Variants in NUP210 observed in about 807,000 individuals in gnomAD.
NUP210 encodes nucleoporin 210.
Under a neutral mutation model 196.0 loss-of-function variants are expected in NUP210, and 151 were observed. That is an observed-to-expected ratio of 0.77 (90% CI 0.67 to 0.88). NUP210 has a LOEUF of 0.88. Ranked by LOEUF, NUP210 falls within the 40% of genes least tolerant of loss-of-function variation. The pLI is 0.00. For synonymous variants in NUP210, 1,070 were observed against 1,052.7 expected, an observed-to-expected ratio of 1.02 and a Z score of -0.32; for missense variants, 2,314 against 2,493.7, an observed-to-expected ratio of 0.93 and a Z score of 1.53.
chr3:13,364,819 ACT>A (rs1156611579), intron 14 of NUP210, among the ~76,000 whole-genome samples: 6 of 152,176 alleles, frequency 3.9e-5, no homozygotes, highest in African/African-American at 9.7e-5. Flanking sequence ...CAAGAGTGAA[ACT>A]CTGTCTCAAA....
At chr3:13,327,804 C>G (rs1696829813) in intron 31 of NUP210, among the ~76,000 whole-genome samples, 1 of 152,252 alleles carries the variant, frequency 6.6e-6, no homozygotes, top group African/African-American at 2.4e-5. Context: ...GAAGGCTGCC[C>G]TTACTATGCA....
intron 14 of NUP210, among the ~76,000 whole-genome samples, chr3:13,364,601 G>A (rs1698469359): frequency 6.6e-6 from 1 of 152,180 alleles, no homozygotes. Flanking sequence ...GGCTGAGGTG[G>A]GAGGATCATC....
At chr3:13,359,992 T>C (rs1698314602) in intron 15 of NUP210, among the ~76,000 whole-genome samples, 2 of 152,154 alleles carry the variant, frequency 1.3e-5, no homozygotes, top group Admixed American at 1.3e-4. Context: ...TCTGGTTTGG[T>C]TAGTGGGGGA....
rs549566462 is a variant in NUP210, at chr3:13,376,499, C to T, written c.1153-68G>A. On this transcript the variant is annotated intron_variant, in intron 9 of 39. Coordinates refer to ENST00000254508, the MANE Select transcript of NUP210 (RefSeq NM_024923.4). ...ACTCCAGAAAGTCAGAATTTGGGCACGAAGCTACAGGACTGAAACCAGCAG... is the reference window on the plus strand; with the variant it reads ...ACTCCAGAAAGTCAGAATTTGGGCATGAAGCTACAGGACTGAAACCAGCAG... The T allele has an allele frequency of 2.6e-4, 414 of 1,587,150 alleles. 3 individuals are homozygous for T. In the South Asian group the frequency reaches 2.9e-3, roughly 11 times the overall value.
chr3:13,364,845 TAAAAG>T (rs1698478802), intron 14 of NUP210, among the ~76,000 whole-genome samples: 1 of 151,402 alleles, frequency 6.6e-6, no homozygotes, highest in Non-Finnish European at 1.5e-5. Flanking sequence ...AATAAACAAA[TAAAAG>T]AAAAAGAAAA....
intron 25 of NUP210, among the ~76,000 whole-genome samples, chr3:13,339,653 G>A (rs971514771): frequency 6.6e-6 from 1 of 152,240 alleles, no homozygotes; most frequent in African/African-American, 2.4e-5. Flanking sequence ...GACTCAGCTT[G>A]GAGAAGAACA....
rs752258390 is a variant in NUP210 at position 13,386,421 on chromosome 3, A to G, written c.685-14T>C. ...AGGGCGTACATTCTTGGCATAAAGA[A>G]AAGGCAGACAAAGTGAGGTGCGGAC... is the stretch of plus-strand genomic sequence containing the variant. On this transcript the variant is annotated splice_polypyrimidine_tract_variant and intron_variant, in intron 5 of 39. Transcript: ENST00000254508. 1.2e-6 allele frequency: 2 copies of G among 1,613,906 alleles called. No individual in the cohort carries two copies. The highest frequency in any genetic ancestry group is 3.3e-5 in the Admixed American group (2 of 59,986).
At chr3:13,349,848 G>A (rs562883899) in intron 20 of NUP210, among the ~76,000 whole-genome samples, 1 of 152,226 alleles carries the variant, frequency 6.6e-6, no homozygotes, top group Admixed American at 6.5e-5. Context: ...CTGGAGGCCG[G>A]CAAGTTTGCC....
At chr3:13,346,861 G>C (rs1171548473) in intron 20 of NUP210, among the ~76,000 whole-genome samples, 1 of 152,244 alleles carries the variant, frequency 6.6e-6, no homozygotes, top group East Asian at 1.9e-4. Context: ...GGCAAGCAGG[G>C]AAGGACCTAA....
chr3:13,352,588 G>C (rs981153929), intron 18 of NUP210, among the ~76,000 whole-genome samples: 6 of 152,226 alleles, frequency 3.9e-5, no homozygotes, highest in Non-Finnish European at 7.3e-5. Flanking sequence ...TGGCTCAGGA[G>C]AGGACAATGA....
At chr3:13,331,909 G>A (rs1314712706) in intron 29 of NUP210, among the ~76,000 whole-genome samples, 1 of 152,122 alleles carries the variant, frequency 6.6e-6, no homozygotes, top group Non-Finnish European at 1.5e-5. Context: ...GGCAGGTCTG[G>A]GGTGGGGCTT....
chr3:13,370,635 A>C (rs1027400990), intron 13 of NUP210, among the ~76,000 whole-genome samples: 1 of 152,172 alleles, frequency 6.6e-6, no homozygotes, highest in Non-Finnish European at 1.5e-5. Flanking sequence ...CTTTTCCTCC[A>C]TCCTAAATGA....
chr3:13,319,693 T>C, intron 37 of NUP210, 70 bp downstream of exon 37: 2 of 1,337,620 alleles, frequency 1.5e-6, no homozygotes, highest in Non-Finnish European at 2.1e-6. Context: ...TTTCTACTGA[T>C]AGCCAGGACC....
Position 13,343,321 on chromosome 3 carries a change from A to AGGG in NUP210, c.2836-19_2836-18insCCC. ...GGGTGCACCTGCAAGGTTGGGGCGG[A>AGGG]GGTGGAGGGGTGGGTGGTGGGTTAC... On this transcript the variant is annotated intron_variant, in intron 20 of 39. Coordinates refer to ENST00000254508, the MANE Select transcript of NUP210 (RefSeq NM_024923.4). 4 of 209,512 alleles carry AGGG rather than the reference A, an allele frequency of 1.9e-5. No individual in the cohort carries two copies. Among genetic ancestry groups the AGGG allele is most frequent in the Admixed American group, 6.4e-5 (1 of 15,540 alleles). 13.0% of individuals were successfully genotyped at this position (209,512 alleles called of 1,614,324 possible). A position where few individuals can be genotyped will look rare whatever the true frequency, so the allele number is the denominator to read the frequency against.
chr3:13,410,476 C>A (rs552238680), intron 1 of NUP210, among the ~76,000 whole-genome samples: 2 of 149,062 alleles, frequency 1.3e-5, no homozygotes, highest in Admixed American at 1.3e-4. Flanking sequence ...CTGTGCCTGG[C>A]CAATACTGAT....
rs1383420803 is a variant in NUP210, at chr3:13,335,561, G to A, written c.3736C>T (p.Arg1246Trp). Residue 1246 changes from arginine (R) to tryptophan (W), a missense_variant, in exon 28 of 40, where the codon CGG (arginine) becomes TGG (tryptophan). Arg to Trp is a moderately radical substitution (Grantham distance 101). Transcript: ENST00000254508. ...QYNFAMNVLGRVKGRTGLRVV... is the reference protein window; with the variant it reads ...QYNFAMNVLGWVKGRTGLRVV... ...CTCAGCCCGGTCCGGCCTTTTACCC[G>A]GCCGAGCACGTTCATGGCAAAGTTG... is the stretch of plus-strand genomic sequence containing the variant. 8.7e-6 allele frequency: 14 copies of A among 1,613,964 alleles called. No homozygotes were observed. The highest frequency in any genetic ancestry group is 3.3e-5 in the Admixed American group (2 of 60,008).
chr3:13,404,004 T>C (rs185218451), intron 1 of NUP210, among the ~76,000 whole-genome samples: 12 of 152,282 alleles, frequency 7.9e-5, no homozygotes, highest in African/African-American at 2.9e-4. Flanking sequence ...AGGACCTGCA[T>C]GGGAATCAGG....
chr3:13,345,114 G>A (rs1297088385), intron 20 of NUP210: 1 of 985,316 alleles, frequency 1.0e-6, no homozygotes, highest in Admixed American at 6.1e-5. Flanking sequence ...ATCTTGATTG[G>A]ATGAAGATCC....
chr3:13,321,279 C>T (rs1696516498), intron 36 of NUP210, among the ~76,000 whole-genome samples: 2 of 152,188 alleles, frequency 1.3e-5, no homozygotes, highest in Admixed American at 6.5e-5. Flanking sequence ...GCACTGAATT[C>T]TGCGATGCCA....
Sources: allele counts gnomAD v4.1 joint callset (sites outside exome capture counted in the v4.1 genomes callset), GRCh38; gene constraint gnomAD v4.1.1; transcripts MANE v1.5; gene names NCBI Gene and HGNC (gene_info 2026-07-23, HGNC 2026-07-21).